DEAF1: variants seen among roughly 807,000 people sequenced by gnomAD.
The protein encoded by DEAF1 is DEAF1 transcription factor.
In DEAF1, 53 loss-of-function variants were observed where a neutral mutation model predicts 58.9. The ratio of observed to expected loss-of-function variants is 0.90; its 90% CI spans 0.72 to 1.13. The LOEUF is 1.13. DEAF1 is among the 50% of genes most tolerant of loss of function. The probability of loss-of-function intolerance (pLI) is 0.00; values close to 1 mark genes in which losing one functional copy is unlikely to be tolerated. For synonymous variants in DEAF1, 385 were observed against 340.4 expected, an observed-to-expected ratio of 1.13 and a Z score of -1.44; for missense variants, 685 against 791.4, an observed-to-expected ratio of 0.87 and a Z score of 1.61.
intron 11 of DEAF1, among the ~76,000 whole-genome samples, chr11:647,178 G>C (rs1858537325): frequency 6.6e-6 from 1 of 151,696 alleles, no homozygotes; most frequent in Admixed American, 6.6e-5. Context: ...AAAATAGGCT[G>C]GGTACGGTGG....
intron 10 of DEAF1, among the ~76,000 whole-genome samples, chr11:661,994 A>C (rs996199569): frequency 6.6e-6 from 1 of 152,116 alleles, no homozygotes; most frequent in African/African-American, 2.4e-5. Flanking sequence ...ACACATTCGT[A>C]AACTTTCTTA....
chr11:647,404 A>C (rs192096493), intron 11 of DEAF1, among the ~76,000 whole-genome samples: 2 of 151,900 alleles, frequency 1.3e-5, no homozygotes, highest in East Asian at 1.9e-4. Context: ...GCAGTGAGCC[A>C]AGATCGCGCC....
At chr11:669,125 C>CTT (rs36167071) in intron 10 of DEAF1, among the ~76,000 whole-genome samples, 1 of 107,810 alleles carries the variant, frequency 9.3e-6, no homozygotes, top group Non-Finnish European at 1.9e-5. Context: ...GCACCCGACC[C>CTT]TTTTTTTTTT....
In DEAF1 at chr11:671,923, G is replaced by T. The variant is rs12575488; in HGVS notation, c.1503+2613C>A. Among the ~76,000 whole-genome samples the T allele has an allele frequency of 1.3e-3, 201 of 150,010 alleles. 2 individuals carry two copies. The highest frequency in any genetic ancestry group is 4.7e-3 in the African/African-American group (191 of 40,504). ...AAGAATCTAAAAAGCTCTTCTGCTCGCCTGTCACCATTAAGACATGCCTTT... is the reference window on the plus strand; with the variant it reads ...AAGAATCTAAAAAGCTCTTCTGCTCTCCTGTCACCATTAAGACATGCCTTT... On this transcript the variant is annotated intron_variant, in intron 10 of 11. Transcript: ENST00000382409.
At chr11:647,144 C>CAA (rs1564920299) in intron 11 of DEAF1, among the ~76,000 whole-genome samples, 1 of 152,024 alleles carries the variant, frequency 6.6e-6, no homozygotes, top group East Asian at 1.9e-4. Flanking sequence ...GGTGACAAAG[C>CAA]GAGACCCTGT....
At chr11:700,200 A>G (rs1445601951), upstream of DEAF1, 2 of 1,614,064 alleles carry the variant, frequency 1.2e-6, no homozygotes, top group East Asian at 2.2e-5. Flanking sequence ...TACGCCCTGT[A>G]TTTCCTCGCC....
intron 1 of DEAF1, among the ~76,000 whole-genome samples, chr11:702,345 C>T (rs1861536495): frequency 6.6e-6 from 1 of 152,248 alleles, no homozygotes; most frequent in South Asian, 2.1e-4. Context: ...CTTGGCTGAT[C>T]TTCTGGGGCC....
At chr11:695,691 T>C, upstream of DEAF1, 1 of 1,243,244 alleles carries the variant, frequency 8.0e-7, no homozygotes, top group Non-Finnish European at 1.0e-6. Context: ...GCCTCGGCCG[T>C]GGCTCGGACG....
In DEAF1 at chr11:704,711, C is replaced by T. The variant is rs541860259; in HGVS notation, c.-438+1861G>A. On this transcript the variant is annotated intron_variant, in intron 1 of 11. Transcript: ENST00000683307. The stretch of plus-strand genomic sequence containing the variant: ...CAGTGGTCACCTGTTCCACAGGGAA[C>T]GCCATGGCTCCAGGTGACCCGGAGT... 37 of 1,217,958 alleles carry T rather than the reference C, an allele frequency of 3.0e-5. No homozygotes were observed. In the African/African-American group the frequency reaches 4.2e-4, roughly 14 times the overall value. The allele number at this position is 1,217,958 out of a possible 1,614,324, so 75.4% of individuals were successfully genotyped here. A position where few individuals can be genotyped will look rare whatever the true frequency, so the allele number is the denominator to read the frequency against.
At chr11:670,193 T>C (rs1859749510) in intron 10 of DEAF1, among the ~76,000 whole-genome samples, 1 of 152,020 alleles carries the variant, frequency 6.6e-6, no homozygotes, top group Non-Finnish European at 1.5e-5. Context: ...GGTTCATGCA[T>C]TCATCAAAAC....
intron 2 of DEAF1, 115 bp downstream of exon 2, chr11:691,386 A>AGCTCACAGAGCAGAC (rs1395110102): frequency 1.1e-6 from 1 of 949,242 alleles, no homozygotes; most frequent in Non-Finnish European, 1.6e-6. Flanking sequence ...GTCCCTCCCC[A>AGCTCACAGAGCAGAC]GCTCACAGAG....
intron 11 of DEAF1, among the ~76,000 whole-genome samples, chr11:653,085 A>C (rs1858859725): frequency 7.1e-5 from 1 of 14,134 alleles, no homozygotes; most frequent in African/African-American, 3.3e-4. Flanking sequence ...CTCTGTCTCA[A>C]AAAAAAAAAA....
intron 1 of DEAF1, among the ~76,000 whole-genome samples, chr11:702,092 A>T (rs942002219): frequency 6.6e-6 from 1 of 152,180 alleles, no homozygotes; most frequent in African/African-American, 2.4e-5. Flanking sequence ...TACACCCCTG[A>T]TGCCTGATGT....
chr11:679,660 G>A (rs756262541), intron 8 of DEAF1, 28 bp downstream of exon 8: 77 of 1,608,130 alleles, frequency 4.8e-5, no homozygotes, highest in African/African-American at 8.0e-5. Context: ...TGCTGAGGAC[G>A]CGTCAGGCAG....
At chr11:669,309 T>A (rs759440098) in intron 10 of DEAF1, among the ~76,000 whole-genome samples, 1 of 152,036 alleles carries the variant, frequency 6.6e-6, no homozygotes, top group Non-Finnish European at 1.5e-5. Flanking sequence ...TCTAAGCATA[T>A]TGGAGTTGAA....
exon 1 of DEAF1, chr11:706,685 C>A (rs756266297): frequency 4.3e-4 from 65 of 152,412 alleles, no homozygotes; most frequent in Non-Finnish European, 5.0e-4. Context: ...AGGACCCTCC[C>A]GAGGGCCTGA....
At chr11:648,750 T>C (rs1002850582) in intron 11 of DEAF1, among the ~76,000 whole-genome samples, 3 of 152,132 alleles carry the variant, frequency 2.0e-5, no homozygotes, top group African/African-American at 7.2e-5. Context: ...AAAATGTATA[T>C]TGTAATACCT....
intron 1 of DEAF1, chr11:705,502 T>C: frequency 6.5e-6 from 1 of 153,750 alleles, no homozygotes; most frequent in Non-Finnish European, 1.4e-5. Context: ...AGAGGCATCC[T>C]GAGAGGGCCT....
intron 11 of DEAF1, among the ~76,000 whole-genome samples, chr11:649,029 T>C (rs1337561223): frequency 6.6e-6 from 1 of 151,994 alleles, no homozygotes; most frequent in Non-Finnish European, 1.5e-5. Context: ...GGTGGGAGGG[T>C]TACTTGAGCC....
Sources: gnomAD v4.1 joint callset for allele counts (sites outside exome capture counted in the v4.1 genomes callset) on GRCh38, gnomAD v4.1.1 for gene constraint, MANE v1.5 for transcripts, NCBI Gene and HGNC (gene_info 2026-07-23, HGNC 2026-07-21) for gene names.